The following CSGALNACT1 variants were observed in gnomAD, a reference collection of about 807,000 sequenced individuals.
The protein encoded by CSGALNACT1 is beta4GalNAcT-1.
A neutral mutation model predicts 51.0 loss-of-function variants in CSGALNACT1; 52 were observed. The ratio of observed to expected loss-of-function variants is 1.02; its 90% CI spans 0.82 to 1.29. The LOEUF is 1.29. Ranked by LOEUF, CSGALNACT1 falls within the 50% of genes most tolerant of loss-of-function variation. The pLI, the probability that CSGALNACT1 is intolerant of heterozygous loss-of-function variation, is 0.00. For missense variants in CSGALNACT1, 935 were observed against 679.2 expected (o/e 1.38, Z -4.19); for synonymous variants, 341 against 254.4 (o/e 1.34, Z -3.24).
chr8:19,666,784 A>T (rs1271910043), intron 1 of CSGALNACT1, among the ~76,000 whole-genome samples: 1 of 15,780 alleles, frequency 6.3e-5, no homozygotes, highest in Non-Finnish European at 1.2e-4. Context: ...AGAAAGAAAG[A>T]AAGAAAGAAA....
intron 1 of CSGALNACT1, among the ~76,000 whole-genome samples, chr8:19,647,909 G>A (rs1264148757): frequency 6.6e-6 from 1 of 152,134 alleles, no homozygotes; most frequent in African/African-American, 2.4e-5. Flanking sequence ...ATAAAAGAAA[G>A]GCACTCTGTG....
intron 1 of CSGALNACT1, among the ~76,000 whole-genome samples, chr8:19,710,613 C>G (rs2062446997): frequency 6.6e-6 from 1 of 151,928 alleles, no homozygotes; most frequent in South Asian, 2.1e-4. Flanking sequence ...TCCACGAGTT[C>G]TTGTTTTATT....
intron 1 of CSGALNACT1, among the ~76,000 whole-genome samples, chr8:19,628,686 T>C (rs945475271): frequency 1.3e-5 from 2 of 152,024 alleles, no homozygotes; most frequent in African/African-American, 4.8e-5. Context: ...CTCGCCATGC[T>C]GCCCAGGCTA....
chr8:19,547,538 T>G (rs1198705716), intron 3 of CSGALNACT1, among the ~76,000 whole-genome samples: 1 of 152,196 alleles, frequency 6.6e-6, no homozygotes, highest in Non-Finnish European at 1.5e-5. Flanking sequence ...CTCTCGTTTC[T>G]TTGCACTTGC....
At chr8:19,739,337 A>G (rs969724964) in intron 1 of CSGALNACT1, among the ~76,000 whole-genome samples, 9 of 152,160 alleles carry the variant, frequency 5.9e-5, no homozygotes, top group African/African-American at 1.7e-4. Flanking sequence ...TTCCTGCTGC[A>G]TCCCCAGCTA....
chr8:19,647,388 C>T (rs2057377300), intron 1 of CSGALNACT1, among the ~76,000 whole-genome samples: 1 of 152,126 alleles, frequency 6.6e-6, no homozygotes, highest in Non-Finnish European at 1.5e-5. Context: ...CTGCACTCCA[C>T]CCTGGGCGAC....
chr8:19,744,983 G>A (rs143483013), intron 1 of CSGALNACT1, among the ~76,000 whole-genome samples: 251 of 152,220 alleles, frequency 1.6e-3, no homozygotes, highest in Non-Finnish European at 2.7e-3. Flanking sequence ...GCCACGTAAC[G>A]TATTACTCTT....
exon 1 of CSGALNACT1, chr8:19,602,350 G>A (rs934680597): frequency 2.7e-5 from 4 of 149,654 alleles, no homozygotes; most frequent in African/African-American, 1.0e-4. Context: ...GAAATGAAAT[G>A]TTAAAAAATA....
chr8:19,679,305 AT>A (rs1356556682), intron 1 of CSGALNACT1, among the ~76,000 whole-genome samples: 12 of 151,734 alleles, frequency 7.9e-5, no homozygotes, highest in Non-Finnish European at 7.4e-5. Flanking sequence ...AAATACAAAA[AT>A]TAGTGGGGTT....
At chr8:19,447,258 C>T (rs1047208914) in intron 5 of CSGALNACT1, among the ~76,000 whole-genome samples, 8 of 152,306 alleles carry the variant, frequency 5.3e-5, no homozygotes, top group South Asian at 2.1e-4. Context: ...TTAAGTCTGA[C>T]AGCTTTGAAC....
intron 1 of CSGALNACT1, among the ~76,000 whole-genome samples, chr8:19,755,461 A>AAAAAAAAAAAAAAAAAAAAAAAAAAAG (rs2065303228): frequency 8.6e-6 from 1 of 116,166 alleles, no homozygotes; most frequent in Non-Finnish European, 1.8e-5. Flanking sequence ...AAAGACAAAA[A>AAAAAAAAAAAAAAAAAAAAAAAAAAAG]AAAAAAAAAA....
At chr8:19,525,615 CAAA>C (rs34787475) in intron 3 of CSGALNACT1, among the ~76,000 whole-genome samples, 649 of 19,992 alleles carry the variant, frequency 0.032, no homozygotes, top group African/African-American at 0.06. Context: ...AAACTTGTCC[CAAA>C]AAAAAAAAAA....
chr8:19,648,480 G>A (rs376146215), intron 1 of CSGALNACT1, among the ~76,000 whole-genome samples: 1 of 152,036 alleles, frequency 6.6e-6, no homozygotes, highest in Non-Finnish European at 1.5e-5. Context: ...TGTACACATC[G>A]ATTTCACCAA....
intron 3 of CSGALNACT1, among the ~76,000 whole-genome samples, chr8:19,552,030 T>A (rs2088248104): frequency 6.6e-6 from 1 of 152,174 alleles, no homozygotes; most frequent in African/African-American, 2.4e-5. Context: ...AAGAATTACA[T>A]CAATTTTTTA....
chr8:19,512,811 T>C lies in CSGALNACT1; in HGVS notation c.-296-6681A>G, dbSNP rs566143539. On this transcript the variant is annotated intron_variant, in intron 3 of 9. Transcript: ENST00000454498. ...AATGGTCATTAATCCAAAAATGTTTTCTTTAAGTGTCAGGGACTTTAGGAA... is the reference window on the plus strand; with the variant it reads ...AATGGTCATTAATCCAAAAATGTTTCCTTTAAGTGTCAGGGACTTTAGGAA... 1.6e-3 allele frequency among the ~76,000 whole-genome samples: 243 copies of C among 152,310 alleles called. 1 individual carries two copies. The highest frequency in any genetic ancestry group is 2.7e-3 in the Admixed American group (41 of 15,298).
At chr8:19,404,732 G>C in exon 10 of CSGALNACT1, 1 of 454,504 alleles carries the variant, frequency 2.2e-6, no homozygotes, top group Non-Finnish European at 4.4e-6. Flanking sequence ...AAACAGGTAA[G>C]AAAGCGGTCC....
chr8:19,480,531 G>C (rs536019358), intron 4 of CSGALNACT1, among the ~76,000 whole-genome samples: 1 of 152,154 alleles, frequency 6.6e-6, no homozygotes, highest in Non-Finnish European at 1.5e-5. Flanking sequence ...TGGGCATTTA[G>C]GTTGATTCCA....
At chr8:19,525,457 GA>G (rs886758444) in intron 3 of CSGALNACT1, among the ~76,000 whole-genome samples, 96 of 145,788 alleles carry the variant, frequency 6.6e-4, no homozygotes, top group Middle Eastern at 3.5e-3. Flanking sequence ...ATACAAAAAA[GA>G]AAAAAAAAAT....
intron 6 of CSGALNACT1, among the ~76,000 whole-genome samples, chr8:19,434,373 C>G (rs2060071468): frequency 6.6e-6 from 1 of 152,130 alleles, no homozygotes; most frequent in Admixed American, 6.6e-5. Context: ...ATACCCTTGG[C>G]TAGATTCACT....
Sources: allele counts gnomAD v4.1 joint callset (sites outside exome capture counted in the v4.1 genomes callset), GRCh38; gene constraint gnomAD v4.1.1; transcripts MANE v1.5; gene names NCBI Gene and HGNC (gene_info 2026-07-23, HGNC 2026-07-21).